Variants in PIP5K1B observed in about 807,000 individuals in gnomAD.
The protein encoded by PIP5K1B is phosphatidylinositol 4-phosphate 5-kinase type-1 beta.
PIP5K1B carries 42 observed loss-of-function variants against 67.0 expected under a neutral mutation model. That is an observed-to-expected ratio of 0.63 (90% CI 0.49 to 0.81). PIP5K1B has a LOEUF of 0.81. Among genes scored for constraint, PIP5K1B ranks in the 30% least tolerant of loss-of-function variants. The pLI, the probability that PIP5K1B is intolerant of heterozygous loss-of-function variation, is 0.00. For missense variants in PIP5K1B, 459 were observed against 646.3 expected (o/e 0.71, Z 3.14); for synonymous variants, 214 against 231.4 (o/e 0.92, Z 0.68).
At chr9:68,757,857 C>G (rs541993404) in intron 2 of PIP5K1B, among the ~76,000 whole-genome samples, 1 of 152,006 alleles carries the variant, frequency 6.6e-6, no homozygotes, top group South Asian at 2.1e-4. Context: ...ACTCTGCCAC[C>G]GAGTGCAGCT....
chr9:68,994,322 G>C (rs1366986198), intron 15 of PIP5K1B, among the ~76,000 whole-genome samples: 7 of 152,052 alleles, frequency 4.6e-5, no homozygotes, highest in Non-Finnish European at 7.4e-5. Flanking sequence ...GATTATAGGA[G>C]TGAGCCACTG....
chr9:68,891,832 G>A (rs376034410), intron 7 of PIP5K1B, among the ~76,000 whole-genome samples: 4 of 152,104 alleles, frequency 2.6e-5, no homozygotes, highest in African/African-American at 9.7e-5. Flanking sequence ...ATGATATAGA[G>A]TGGGAGAATA....
At chr9:68,747,407 T>C (rs1829372395) in intron 2 of PIP5K1B, among the ~76,000 whole-genome samples, 1 of 151,926 alleles carries the variant, frequency 6.6e-6, no homozygotes. Flanking sequence ...GTGCGCGCTG[T>C]AACATGGCAG....
At chr9:68,987,700 T>C (rs1013614337) in intron 14 of PIP5K1B, among the ~76,000 whole-genome samples, 50 of 152,210 alleles carry the variant, frequency 3.3e-4, no homozygotes, top group Admixed American at 7.2e-4. Context: ...TAGTTCCATG[T>C]GGCTGGGGAG....
At chr9:68,965,019 A>T (rs776488124) in intron 14 of PIP5K1B, among the ~76,000 whole-genome samples, 1 of 152,232 alleles carries the variant, frequency 6.6e-6, no homozygotes, top group Non-Finnish European at 1.5e-5. Flanking sequence ...CAGGATGTGC[A>T]TCCTTTGAGG....
chr9:68,737,170 G>A (rs556089801), intron 1 of PIP5K1B, among the ~76,000 whole-genome samples: 12 of 152,244 alleles, frequency 7.9e-5, no homozygotes, highest in South Asian at 2.1e-4. Flanking sequence ...TCCCTACAAC[G>A]TCACCAGGTT....
intron 4 of PIP5K1B, among the ~76,000 whole-genome samples, chr9:68,863,204 A>G (rs1823189381): frequency 6.6e-6 from 1 of 152,168 alleles, no homozygotes; most frequent in Non-Finnish European, 1.5e-5. Flanking sequence ...ATGTCTTCAG[A>G]TATCATCAGA....
intron 2 of PIP5K1B, among the ~76,000 whole-genome samples, chr9:68,800,484 A>T (rs570602231): frequency 6.6e-6 from 1 of 152,080 alleles, no homozygotes; most frequent in African/African-American, 2.4e-5. Flanking sequence ...AGACCTCACC[A>T]TTTCCTTCTT....
At chr9:68,823,422 A>G (rs991251612) in intron 4 of PIP5K1B, among the ~76,000 whole-genome samples, 2 of 152,180 alleles carry the variant, frequency 1.3e-5, no homozygotes, top group African/African-American at 2.4e-5. Context: ...ACCAACATTT[A>G]AAACATTTCC....
At chr9:68,863,701 A>G (rs1373307139) in intron 4 of PIP5K1B, 136 bp from the exon 5 acceptor site, 2 of 624,092 alleles carry the variant, frequency 3.2e-6, no homozygotes, top group Non-Finnish European at 5.3e-6. Context: ...GCAACTTATC[A>G]TCTTGCCAAA....
At chr9:68,775,563 T>C (rs1375065289) in intron 2 of PIP5K1B, among the ~76,000 whole-genome samples, 1 of 152,234 alleles carries the variant, frequency 6.6e-6, no homozygotes, top group Non-Finnish European at 1.5e-5. Context: ...GGATGATTCA[T>C]GTCCCAGGTC....
intron 7 of PIP5K1B, among the ~76,000 whole-genome samples, chr9:68,893,193 T>G (rs1346836078): frequency 1.3e-5 from 2 of 152,208 alleles, no homozygotes; most frequent in African/African-American, 4.8e-5. Flanking sequence ...GCAGTGGTTT[T>G]CTCAAATGTT....
intron 14 of PIP5K1B, among the ~76,000 whole-genome samples, chr9:68,980,258 T>C (rs181870510): frequency 6.6e-6 from 1 of 152,294 alleles, no homozygotes; most frequent in Non-Finnish European, 1.5e-5. Context: ...TGACCATCAC[T>C]TCAGAAGCGC....
intron 1 of PIP5K1B, chr9:68,729,051 A>T (rs1828286665): frequency 6.6e-6 from 1 of 152,186 alleles, no homozygotes; most frequent in Non-Finnish European, 1.5e-5. Context: ...GGCACACTTA[A>T]TGATTTCTTC....
chr9:68,960,630 C>G (rs1314664543), intron 14 of PIP5K1B, among the ~76,000 whole-genome samples: 1 of 152,154 alleles, frequency 6.6e-6, no homozygotes, highest in African/African-American at 2.4e-5. Context: ...CTCAAATTTT[C>G]ATACAGCCCT....
intron 2 of PIP5K1B, chr9:68,781,373 A>C: frequency 4.7e-6 from 1 of 214,910 alleles, no homozygotes; most frequent in Non-Finnish European, 1.0e-5. Context: ...GAAAATATAA[A>C]TGTTGACTTA....
chr9:68,715,591 A>G (rs936841265), intron 1 of PIP5K1B, among the ~76,000 whole-genome samples: 1 of 152,198 alleles, frequency 6.6e-6, no homozygotes, highest in African/African-American at 2.4e-5. Context: ...GAGGGCTTCA[A>G]CAGTATGATT....
chr9:68,758,305 A>G (rs1830030375), intron 2 of PIP5K1B, among the ~76,000 whole-genome samples: 1 of 152,184 alleles, frequency 6.6e-6, no homozygotes, highest in Non-Finnish European at 1.5e-5. Flanking sequence ...AATGGTAAAG[A>G]TGTTGGAATT....
rs750644171 is a variant in PIP5K1B at position 68,754,171 on chromosome 9, A to ATTTTTTTTTTTTTTTTTT, written c.-86+11517_-86+11518insTTTTTTTTTTTTTTTTTT. 6.3e-4 allele frequency among the ~76,000 whole-genome samples: 35 copies of ATTTTTTTTTTTTTTTTTT among 55,542 alleles called. 1 individual carries two copies. The highest frequency in any genetic ancestry group is 9.4e-4 in the African/African-American group (11 of 11,688). 36.4% of individuals were successfully genotyped at this position (55,542 alleles called of 152,430 possible). On this transcript the variant is annotated intron_variant, in intron 2 of 15. Transcript: ENST00000265382. Reference sequence around the variant, plus strand: ...TTTAAGTCTTCTTTTATGTTCCATGATTTCTTTTTTTTTTTTGAGACAGAG... The same window carrying ATTTTTTTTTTTTTTTTTT: ...TTTAAGTCTTCTTTTATGTTCCATGATTTTTTTTTTTTTTTTTTTTTCTTTTTTTTTTTTGAGACAGAG...
Sources: allele counts gnomAD v4.1 joint callset (sites outside exome capture counted in the v4.1 genomes callset), GRCh38; gene constraint gnomAD v4.1.1; transcripts MANE v1.5; gene names NCBI Gene and HGNC (gene_info 2026-07-23, HGNC 2026-07-21).